Variants in RPGRIP1 observed in about 807,000 individuals in gnomAD.
The protein encoded by RPGRIP1 is RPGR interacting protein 1, also known as X-linked retinitis pigmentosa GTPase regulator-interacting protein 1.
Under a neutral mutation model 157.9 loss-of-function variants are expected in RPGRIP1, and 128 were observed. That is an observed-to-expected ratio of 0.81 (90% confidence interval 0.70 to 0.94). The LOEUF (loss-of-function observed/expected upper bound fraction) is 0.94. Ranked by LOEUF, RPGRIP1 falls within the 40% of genes least tolerant of loss-of-function variation. The pLI is 0.00. For synonymous variants in RPGRIP1, 554 were observed against 571.6 expected (o/e 0.97, Z 0.44); for missense variants, 1,486 against 1,545.8 (o/e 0.96, Z 0.65).
At chr14:21,307,984 A>G in intron 7 of RPGRIP1, 148 bp downstream of exon 7, 2 of 581,016 alleles carry the variant, frequency 3.4e-6, no homozygotes, top group East Asian at 6.1e-5. Flanking sequence ...GTGATATTCA[A>G]ATCCAAGCCT....
At position 21,310,724 on chromosome 14, in the gene RPGRIP1, A is replaced by G. The variant is rs1881507283; in HGVS notation, c.930+117A>G. On this transcript the variant is annotated intron_variant, in intron 8 of 24. Transcript: ENST00000400017. ...GAATTTAGCTAACTAAATCAATGTT[A>G]TTATGTCATATAGTTTCTGTTAAAA... 6.1e-6 allele frequency: 4 copies of G among 658,472 alleles called. No homozygotes were observed. The South Asian group carries it at 7.1e-5, about 12-fold the overall frequency. 40.8% of individuals were successfully genotyped at this position (658,472 alleles called of 1,614,324 possible). A position where few individuals can be genotyped will look rare whatever the true frequency, so the allele number is the denominator to read the frequency against.
chr14:21,327,559 C>A, intron 17 of RPGRIP1, 64 bp from the exon 18 acceptor site: 2 of 1,359,594 alleles, frequency 1.5e-6, no homozygotes, highest in African/African-American at 1.4e-5. Flanking sequence ...AGATAAGGTG[C>A]TGACAAATGC....
intron 21 of RPGRIP1, among the ~76,000 whole-genome samples, chr14:21,340,517 T>C (rs904930525): frequency 6.6e-6 from 1 of 152,140 alleles, no homozygotes; most frequent in Non-Finnish European, 1.5e-5. Context: ...TAGTCGGGCA[T>C]GGTGGCACAT....
chr14:21,321,787 C>T, intron 13 of RPGRIP1, 67 bp from the exon 14 acceptor site: 2 of 1,510,784 alleles, frequency 1.3e-6, no homozygotes, highest in Non-Finnish European at 1.8e-6. Context: ...TAGCCAGTGC[C>T]ACATTTTTTA....
chr14:21,327,875 G>A, intron 18 of RPGRIP1, 68 bp downstream of exon 18: 1 of 1,278,850 alleles, frequency 7.8e-7, no homozygotes, highest in Non-Finnish European at 1.1e-6. Context: ...GAAGGAGACA[G>A]TATTATAGTT....
chr14:21,343,012 CTAAA>C lies in RPGRIP1; in HGVS notation c.3340-19_3340-16del. 6.3e-7 allele frequency: 1 copy of C among 1,592,300 alleles called. No homozygotes were observed. On this transcript the variant is annotated intron_variant, in intron 21 of 24. Coordinates refer to ENST00000400017, the MANE Select transcript of RPGRIP1 (RefSeq NM_020366.4). ...TTGGAGCCTCACTAACCTTTAGGAA[CTAAA>C]TAAACATTTTCCTTATCAGGATTCA...
rs1215566179 is a variant in RPGRIP1 at position 21,351,153 on chromosome 14, C to G, written c.3798C>G (p.Ser1266=). 3.1e-6 allele frequency: 5 copies of G among 1,612,886 alleles called. No individual in the cohort carries two copies. The South Asian group carries it at 5.5e-5, about 18-fold the overall frequency. ...CCCCAATAGGAAGGCTGAAGGTTTC[C>G]CTTCAAGCAGCTGCTGTCCTCCATG... The part of the protein sequence containing the change: ...LATPIGRLKV[S]LQAAAVLHAI... The change falls in exon 25 of 25, where the codon TCC becomes TCG. Residue 1266 remains serine (S), a synonymous_variant. Coordinates refer to ENST00000400017, the MANE Select transcript of RPGRIP1 (RefSeq NM_020366.4).
At chr14:21,298,941 TAAAA>T (rs10555165) in intron 3 of RPGRIP1, among the ~76,000 whole-genome samples, 284 of 82,524 alleles carry the variant, frequency 3.4e-3, no homozygotes, top group African/African-American at 0.01. Flanking sequence ...CTCTGTCTCA[TAAAA>T]AAAAAAAAAA....
chr14:21,312,179 A>G (rs1346904058), intron 9 of RPGRIP1, among the ~76,000 whole-genome samples: 1 of 152,178 alleles, frequency 6.6e-6, no homozygotes, highest in Non-Finnish European at 1.5e-5. Context: ...CTCTTTCATA[A>G]TGTTTTGCTG....
chr14:21,334,840 C>T (rs1048413366), intron 21 of RPGRIP1, 135 bp downstream of exon 21: 39 of 521,838 alleles, frequency 7.5e-5, no homozygotes, highest in African/African-American at 6.7e-4. Flanking sequence ...GTCGGGAGTT[C>T]GAGACCAGCC....
chr14:21,309,522 G>A (rs1229033012), intron 7 of RPGRIP1, among the ~76,000 whole-genome samples: 2 of 151,986 alleles, frequency 1.3e-5, no homozygotes. Flanking sequence ...AAAGAAAAAA[G>A]AAAAGGATTA....
chr14:21,290,180 C>G (rs1290260053), intron 2 of RPGRIP1, among the ~76,000 whole-genome samples: 3 of 151,954 alleles, frequency 2.0e-5, no homozygotes, highest in Non-Finnish European at 2.9e-5. Context: ...CTCCTGGGCA[C>G]AAATCTAGAT....
At chr14:21,350,647 A>G (rs1042252550) in intron 24 of RPGRIP1, among the ~76,000 whole-genome samples, 2 of 152,158 alleles carry the variant, frequency 1.3e-5, no homozygotes, top group East Asian at 1.9e-4. Flanking sequence ...AGCAGTCTCT[A>G]TCTTACTGAG....
Position 21,325,973 on chromosome 14 carries a change from C to G in RPGRIP1, c.2510C>G (p.Ala837Gly), listed in dbSNP as rs373515194. The G allele has an allele frequency of 4.2e-5, 68 of 1,613,860 alleles. No homozygotes were observed. The highest frequency in any genetic ancestry group is 5.7e-5 in the Non-Finnish European group (67 of 1,179,882). ...TTCACCTTTTCTGACCATGACACTG[C>G]CATCATTCCAGCCAGTAACAACCCC... is the stretch of plus-strand genomic sequence containing the variant. ...RFFTFSDHDT[A>G]IIPASNNPYF... is the part of the protein sequence containing the mutation. Residue 837 changes from alanine (A) to glycine (G), a missense_variant, in exon 17 of 25, where the codon GCC (alanine) becomes GGC (glycine). Transcript: ENST00000400017.
At chr14:21,280,898 A>C (rs1880101069) in intron 1 of RPGRIP1, among the ~76,000 whole-genome samples, 1 of 152,188 alleles carries the variant, frequency 6.6e-6, no homozygotes, top group African/African-American at 2.4e-5. Context: ...AGAATGAATA[A>C]AACTCCTTTT....
chr14:21,317,681 GC>G lies in RPGRIP1; in HGVS notation c.1152-14del. The G allele has an allele frequency of 6.4e-7, 1 of 1,574,366 alleles. No homozygotes were observed. Among genetic ancestry groups the G allele is most frequent in the Non-Finnish European group, 8.6e-7 (1 of 1,159,618 alleles). On this transcript the variant is annotated splice_polypyrimidine_tract_variant and intron_variant, in intron 10 of 24. Coordinates refer to ENST00000400017, the MANE Select transcript of RPGRIP1 (RefSeq NM_020366.4). ...CCTTGGGGTATCCATCTGAGAGCTT[GC>G]TTTCCATTGCCAGCATGCTGGACAG... is the stretch of plus-strand genomic sequence containing the variant.
chr14:21,343,151 C>G lies in RPGRIP1; in HGVS notation c.3455C>G (p.Pro1152Arg). Reference protein sequence around the residue: ...VYVEYKFYDLPLSETETPVSL... With the variant: ...VYVEYKFYDLRLSETETPVSL... ...GTGGAGTACAAATTCTACGACCTACCCTTGTCGGAGACAGAGACTCCAGTG... is the reference window on the plus strand; with the variant it reads ...GTGGAGTACAAATTCTACGACCTACGCTTGTCGGAGACAGAGACTCCAGTG... Residue 1152 changes from proline to arginine, a missense_variant, in exon 22 of 25, where the codon CCC becomes CGC. Pro to Arg is a moderately radical substitution (Grantham distance 103). Transcript: ENST00000400017. The G allele has an allele frequency of 1.2e-6, 2 of 1,613,536 alleles. No individual in the cohort carries two copies. Among genetic ancestry groups the G allele is most frequent in the Non-Finnish European group, 1.7e-6 (2 of 1,179,598 alleles).
intron 1 of RPGRIP1, among the ~76,000 whole-genome samples, chr14:21,284,843 C>T (rs916001197): frequency 1.3e-5 from 2 of 152,122 alleles, no homozygotes; most frequent in Admixed American, 1.3e-4. Flanking sequence ...TGAACCACTG[C>T]TCCCAGCTGA....
intron 1 of RPGRIP1, among the ~76,000 whole-genome samples, chr14:21,284,140 C>T (rs950433188): frequency 4.6e-5 from 7 of 152,062 alleles, no homozygotes; most frequent in East Asian, 1.9e-4. Flanking sequence ...TTAAATTGCC[C>T]GGAAAGCAGA....
Sources: allele counts gnomAD v4.1 joint callset (sites outside exome capture counted in the v4.1 genomes callset), GRCh38; gene constraint gnomAD v4.1.1; transcripts MANE v1.5; gene names NCBI Gene and HGNC (gene_info 2026-07-23, HGNC 2026-07-21).